Variants in CSMD1 observed in about 807,000 individuals in gnomAD.
CSMD1 encodes the protein CUB and sushi domain-containing protein 1.
A neutral mutation model predicts 417.5 loss-of-function variants in CSMD1; 213 were observed. The ratio of observed to expected loss-of-function variants is 0.51; its 90% confidence interval spans 0.46 to 0.57. CSMD1 has a LOEUF of 0.57. Among genes scored for constraint, CSMD1 ranks in the 20% least tolerant of loss-of-function variants. CSMD1 has a pLI of 0.00. For synonymous variants in CSMD1, 2,862 were observed against 1,736.8 expected (o/e 1.65, Z -16.11); for missense variants, 6,923 against 4,529.7 (o/e 1.53, Z -15.17).
intron 5 of CSMD1, among the ~76,000 whole-genome samples, chr8:3,816,765 T>C (rs2129080123): frequency 6.6e-6 from 1 of 152,296 alleles, no homozygotes; most frequent in South Asian, 2.1e-4. Flanking sequence ...ACCTAATGTG[T>C]GTCAATAATT....
intron 50 of CSMD1, among the ~76,000 whole-genome samples, chr8:3,049,621 GC>G (rs142495339): frequency 0.3 from 45,260 of 151,822 alleles, 6,922 homozygotes; most frequent in East Asian, 0.36. Context: ...GACTTTAAGG[GC>G]CACAAAAGTC....
intron 5 of CSMD1, among the ~76,000 whole-genome samples, chr8:3,983,135 C>CTTTT (rs201667296): frequency 1.5e-5 from 2 of 133,514 alleles, no homozygotes; most frequent in African/African-American, 2.9e-5. Context: ...ATCTTTCTTT[C>CTTTT]TTTTTTTTTT....
chr8:4,966,038 G>C (rs1809834837), intron 1 of CSMD1, among the ~76,000 whole-genome samples: 1 of 151,850 alleles, frequency 6.6e-6, no homozygotes, highest in African/African-American at 2.4e-5. Context: ...AGTATTTTTA[G>C]CTGAACAATG....
At chr8:3,522,232 T>A (rs1213929267) in intron 10 of CSMD1, among the ~76,000 whole-genome samples, 4 of 152,234 alleles carry the variant, frequency 2.6e-5, no homozygotes, top group Admixed American at 6.5e-5. Context: ...CATAAAATAT[T>A]GCATATGATA....
chr8:4,636,129 T>C (rs1802799169), intron 2 of CSMD1, among the ~76,000 whole-genome samples: 1 of 152,012 alleles, frequency 6.6e-6, no homozygotes, highest in African/African-American at 2.4e-5. Flanking sequence ...TCCCATAAAA[T>C]AATAAATGAA....
chr8:4,009,539 G>A (rs565114972), intron 4 of CSMD1, among the ~76,000 whole-genome samples: 1 of 152,274 alleles, frequency 6.6e-6, no homozygotes, highest in South Asian at 2.1e-4. Context: ...TCTAAGTCAT[G>A]ATGTTAAATT....
chr8:4,873,315 C>G (rs1802844700), intron 1 of CSMD1, among the ~76,000 whole-genome samples: 1 of 152,080 alleles, frequency 6.6e-6, no homozygotes, highest in African/African-American at 2.4e-5. Flanking sequence ...CATTCGTAGA[C>G]CCATTCCAAA....
intron 26 of CSMD1, among the ~76,000 whole-genome samples, chr8:3,244,151 C>A (rs1333432180): frequency 6.6e-6 from 1 of 152,164 alleles, no homozygotes; most frequent in Non-Finnish European, 1.5e-5. Context: ...TGAAGGAAAG[C>A]TGTTGGGTTC....
chr8:3,831,935 G>C (rs1443975880), intron 5 of CSMD1, among the ~76,000 whole-genome samples: 2 of 152,102 alleles, frequency 1.3e-5, no homozygotes, highest in Admixed American at 6.6e-5. Flanking sequence ...CCAGAGATTA[G>C]TCCTGGAAAG....
In CSMD1 at chr8:2,935,808, TTTG is replaced by T. The variant is rs1450043324; in HGVS notation, c.*2774_*2776del. The T allele has an allele frequency of 1.3e-5, 2 of 152,216 alleles. No individual in the cohort carries two copies. The highest frequency in any genetic ancestry group is 2.9e-5 in the Non-Finnish European group (2 of 68,046). 9.4% of individuals were successfully genotyped at this position (152,216 alleles called of 1,614,324 possible). Reference sequence around the variant, plus strand: ...TTTTACCCCCTTTTTATAATAGCTTTTTGTTGTTGTTTACAAAATATTTTACAG... The same window carrying T: ...TTTTACCCCCTTTTTATAATAGCTTTTTGTTGTTTACAAAATATTTTACAG... On this transcript the variant is annotated 3_prime_UTR_variant, in exon 70 of 70. Transcript: ENST00000635120.
intron 7 of CSMD1, among the ~76,000 whole-genome samples, chr8:3,685,354 A>T (rs1380412102): frequency 1.3e-5 from 2 of 152,136 alleles, no homozygotes; most frequent in Non-Finnish European, 2.9e-5. Context: ...ACACATCATC[A>T]AACTGTTACC....
intron 15 of CSMD1, among the ~76,000 whole-genome samples, chr8:3,404,167 C>G (rs1812209008): frequency 6.6e-6 from 1 of 151,998 alleles, no homozygotes; most frequent in Non-Finnish European, 1.5e-5. Context: ...AACGTCCCCT[C>G]TACTAAAAAT....
chr8:2,998,313 T>C, intron 53 of CSMD1, 129 bp from the exon 54 acceptor site: 1 of 810,204 alleles, frequency 1.2e-6, no homozygotes, highest in South Asian at 1.8e-5. Context: ...ACCAGGCAGC[T>C]TACAGATGGT....
intron 11 of CSMD1, among the ~76,000 whole-genome samples, chr8:3,480,300 T>C (rs537081296): frequency 1.3e-5 from 2 of 152,268 alleles, no homozygotes; most frequent in African/African-American, 4.8e-5. Context: ...AGGCGGAGGA[T>C]GCATTGAGCA....
chr8:3,481,866 A>C (rs1468530172), intron 11 of CSMD1, among the ~76,000 whole-genome samples: 2 of 152,162 alleles, frequency 1.3e-5, no homozygotes, highest in Middle Eastern at 3.2e-3. Context: ...AGAAAACCTG[A>C]CTTGGACTTC....
At chr8:4,864,060 T>C (rs1381309940) in intron 1 of CSMD1, among the ~76,000 whole-genome samples, 1 of 152,004 alleles carries the variant, frequency 6.6e-6, no homozygotes, top group Admixed American at 6.6e-5. Context: ...CTTTTTGCCA[T>C]GTTACAAGTA....
At chr8:4,932,749 T>G (rs888066293) in intron 1 of CSMD1, among the ~76,000 whole-genome samples, 1 of 152,202 alleles carries the variant, frequency 6.6e-6, no homozygotes, top group African/African-American at 2.4e-5. Flanking sequence ...ATCCTTAAAA[T>G]AATCCAAGCT....
intron 3 of CSMD1, among the ~76,000 whole-genome samples, chr8:4,126,214 G>A (rs981679774): frequency 2.0e-5 from 3 of 152,018 alleles, no homozygotes; most frequent in African/African-American, 7.2e-5. Flanking sequence ...AAATGCTCTG[G>A]GAGACTGATT....
rs189281163 is a variant in CSMD1 at position 4,776,938 on chromosome 8, G to C, written c.86-139380C>G. ...AACGTTACTAAGATTAAAGGCACTG[G>C]TGTTTGTAAAATTACGAGCTAACAA... On this transcript the variant is annotated intron_variant, in intron 1 of 69. Coordinates refer to ENST00000635120, the MANE Select transcript of CSMD1 (RefSeq NM_033225.6). Among the ~76,000 whole-genome samples, 561 of 152,232 alleles carry C rather than the reference G, an allele frequency of 3.7e-3. 2 individuals are homozygous for C. The highest frequency in any genetic ancestry group is 5.4e-3 in the Non-Finnish European group (367 of 68,028).
Sources: allele counts gnomAD v4.1 joint callset (sites outside exome capture counted in the v4.1 genomes callset), GRCh38; gene constraint gnomAD v4.1.1; transcripts MANE v1.5; gene names NCBI Gene and HGNC (gene_info 2026-07-23, HGNC 2026-07-21).